The following CCDC14 variants were observed in gnomAD, a reference collection of about 807,000 sequenced individuals.
CCDC14 encodes coiled-coil domain containing 14, also known as coiled-coil domain-containing protein 14.
In CCDC14, 71 loss-of-function variants were observed where a neutral mutation model predicts 81.4. That is an observed-to-expected ratio of 0.87 (90% CI 0.72 to 1.06). The LOEUF (loss-of-function observed/expected upper bound fraction) is 1.06, where lower values mean the gene tolerates loss of function less well. CCDC14 is among the 50% of genes least tolerant of loss of function. CCDC14 has a pLI of 0.00. For missense variants in CCDC14, 1,046 were observed against 1,047.3 expected, an observed-to-expected ratio of 1.00 and a Z score of 0.02; for synonymous variants, 332 against 364.8, an observed-to-expected ratio of 0.91 and a Z score of 1.03.
chr3:123,897,264 T>TA (rs1230157925), downstream of CCDC14: 2 of 152,524 alleles, frequency 1.3e-5, no homozygotes. Flanking sequence ...CCACACCCTG[T>TA]AATCCCCTAA....
chr3:123,953,854 ACAGCTCTG>A (rs2037177743), intron 5 of CCDC14: 1 of 152,174 alleles, frequency 6.6e-6, no homozygotes, highest in African/African-American at 2.4e-5. Context: ...AGAGATGATA[ACAGCTCTG>A]CTGCTCTGCT....
intron 5 of CCDC14, among the ~76,000 whole-genome samples, chr3:123,900,760 T>C (rs1425850514): frequency 6.6e-6 from 1 of 152,170 alleles, no homozygotes; most frequent in Non-Finnish European, 1.5e-5. Context: ...AGTCATATCA[T>C]GTTCCTGGAA....
At chr3:123,908,177 A>G (rs1443458667) in intron 5 of CCDC14, among the ~76,000 whole-genome samples, 1 of 152,170 alleles carries the variant, frequency 6.6e-6, no homozygotes, top group African/African-American at 2.4e-5. Context: ...CCCAAAGCTA[A>G]AATTCTGTAA....
rs376040674 is a variant in CCDC14, at chr3:123,915,647, T to C, written c.1850A>G (p.Asn617Ser). The C allele has an allele frequency of 1.9e-6, 3 of 1,614,036 alleles. No individual in the cohort carries two copies. The highest frequency in any genetic ancestry group is 8.5e-7 in the Non-Finnish European group (1 of 1,179,902). ...GTTCAAGAGTGATTTGGTAAGGTTA[T>C]TCCCAGGCTTGCAGCGAGCACTGTC... Reference protein sequence around the residue: ...SVDSARCKPGNNLTKSLLNIH... With the variant: ...SVDSARCKPGSNLTKSLLNIH... The change falls in exon 13 of 13, where the codon AAT (asparagine) becomes AGT (serine). Residue 617 changes from asparagine to serine, a missense_variant. Coordinates refer to ENST00000409697, the MANE Select transcript of CCDC14 (RefSeq NM_001366335.1).
rs59476658 is a variant in CCDC14, at chr3:123,956,983, T to C, written c.31-188A>G. The C allele has an allele frequency of 1.1e-3, 451 of 413,294 alleles. 1 individual carries two copies. The highest frequency in any genetic ancestry group is 8.6e-3 in the African/African-American group (414 of 47,924). The allele number at this position is 413,294 out of a possible 1,614,324, so 25.6% of individuals were successfully genotyped here. On this transcript the variant is annotated intron_variant, in intron 1 of 12. Coordinates refer to ENST00000409697, the MANE Select transcript of CCDC14 (RefSeq NM_001366335.1). ...CCCTAGCAACTATCATCCTAGTTTC[T>C]ATGAATTTGACTAGTCTAGAAACTT... is the stretch of plus-strand genomic sequence containing the variant.
In CCDC14 at chr3:123,914,204, A is replaced by T. The variant is rs2034529348; in HGVS notation, c.*575T>A. ...CCAAGTTTTAAGAAGCCATATGTTA[A>T]CTTAGGATGTTATCTATATATTTTT... On this transcript the variant is annotated 3_prime_UTR_variant, in exon 13 of 13. Transcript: ENST00000409697. 1 of 984,594 alleles carries T rather than the reference A, an allele frequency of 1.0e-6. No homozygotes were observed. The highest frequency in any genetic ancestry group is 4.7e-5 in the South Asian group (1 of 21,262). The allele number at this position is 984,594 out of a possible 1,614,324, so 61.0% of individuals were successfully genotyped here.
chr3:123,904,213 G>A (rs531412798), intron 5 of CCDC14, among the ~76,000 whole-genome samples: 1 of 152,110 alleles, frequency 6.6e-6, no homozygotes, highest in South Asian at 2.1e-4. Flanking sequence ...GTACTTCTAA[G>A]TCAGAAAATC....
the CCDC14 span, among the ~76,000 whole-genome samples, chr3:123,888,611 C>A: frequency 6.6e-6 from 1 of 152,160 alleles, no homozygotes; most frequent in African/African-American, 2.4e-5. Context: ...GGAAGGATGA[C>A]TAGGGAGCCT....
At chr3:123,942,087 C>T (rs2036378582) in intron 9 of CCDC14, among the ~76,000 whole-genome samples, 1 of 151,970 alleles carries the variant, frequency 6.6e-6, no homozygotes, top group African/African-American at 2.4e-5. Flanking sequence ...TACTTCCTAA[C>T]CGAGACAGTG....
At chr3:123,937,767 T>A (rs1480103879) in intron 9 of CCDC14, among the ~76,000 whole-genome samples, 1 of 151,964 alleles carries the variant, frequency 6.6e-6, no homozygotes, top group South Asian at 2.1e-4. Flanking sequence ...CTCTTACGTT[T>A]CCTTTCAGAG....
chr3:123,952,483 TA>T, intron 5 of CCDC14: 2 of 368,118 alleles, frequency 5.4e-6, no homozygotes, highest in Non-Finnish European at 1.2e-5. Context: ...GTTGCTTATT[TA>T]AAAAATACAT....
At chr3:123,893,866 A>G (rs933719495), downstream of CCDC14, among the ~76,000 whole-genome samples, 7 of 152,140 alleles carry the variant, frequency 4.6e-5, no homozygotes, top group African/African-American at 7.2e-5. Flanking sequence ...AGAAACGTCT[A>G]TCGAATTCCT....
chr3:123,911,902 C>T (rs1056941571), downstream of CCDC14, among the ~76,000 whole-genome samples: 7 of 152,086 alleles, frequency 4.6e-5, no homozygotes, highest in Admixed American at 2.0e-4. Context: ...AAGTAAAATG[C>T]CACCATCAGT....
chr3:123,894,421 A>G (rs575385515), downstream of CCDC14, among the ~76,000 whole-genome samples: 23 of 152,224 alleles, frequency 1.5e-4, no homozygotes, highest in African/African-American at 5.3e-4. Context: ...CTTTTTCAAG[A>G]TTGTTTTAGC....
Position 123,948,755 on chromosome 3 carries a change from C to A in CCDC14, c.620G>T (p.Gly207Val). The A allele has an allele frequency of 6.3e-7, 1 of 1,598,900 alleles. No homozygotes were observed. Among genetic ancestry groups the A allele is most frequent in the South Asian group, 1.1e-5 (1 of 87,362 alleles). Residue 207 changes from glycine to valine, a missense_variant, in exon 7 of 13, where the codon GGC becomes GTC. Physicochemically the swap from Gly to Val is moderately radical, Grantham distance 109. Coordinates refer to ENST00000409697, the MANE Select transcript of CCDC14 (RefSeq NM_001366335.1). ...ESQATPHSSYGLCTSTPVWSL... is the reference protein window; with the variant it reads ...ESQATPHSSYVLCTSTPVWSL... ...CCAGACTGGGGTGGAGGTACATAAG[C>A]CATAACTAGAATGAGGAGTTGCCTG...
chr3:123,953,524 G>C (rs1278800859), intron 5 of CCDC14: 4 of 152,212 alleles, frequency 2.6e-5, no homozygotes, highest in African/African-American at 9.7e-5. Context: ...CTTTGTCTCT[G>C]ACCCAGCAGT....
At chr3:123,933,369 C>G (rs1438084393) in intron 10 of CCDC14, among the ~76,000 whole-genome samples, 1 of 152,030 alleles carries the variant, frequency 6.6e-6, no homozygotes, top group East Asian at 1.9e-4. Context: ...ACAGTGTGAT[C>G]TCATTTTTAA....
At chr3:123,948,366 C>G (rs747260255) in intron 7 of CCDC14, among the ~76,000 whole-genome samples, 1 of 151,908 alleles carries the variant, frequency 6.6e-6, no homozygotes. Flanking sequence ...CTCAGCCTCC[C>G]GAGTAGCTGG....
intron 8 of CCDC14, among the ~76,000 whole-genome samples, chr3:123,946,132 ATT>A (rs200227842): frequency 2.1e-5 from 3 of 145,360 alleles, no homozygotes; most frequent in African/African-American, 2.5e-5. Flanking sequence ...GCATTTTAAG[ATT>A]TTTTTTTTTT....
Sources: gnomAD v4.1 joint callset for allele counts (sites outside exome capture counted in the v4.1 genomes callset) on GRCh38, gnomAD v4.1.1 for gene constraint, MANE v1.5 for transcripts, NCBI Gene and HGNC (gene_info 2026-07-23, HGNC 2026-07-21) for gene names.